The following RAP1GAP2 variants were observed in gnomAD, a reference collection of about 807,000 sequenced individuals.
RAP1GAP2 encodes RAP1 GTPase activating protein 2.
Under a neutral mutation model 95.0 loss-of-function variants are expected in RAP1GAP2, and 27 were observed. The observed-to-expected ratio is 0.28, with a 90% confidence interval of 0.21 to 0.39. The LOEUF is 0.39. RAP1GAP2 is among the 10% of genes least tolerant of loss of function. The probability of loss-of-function intolerance (pLI) is 1.00; values close to 1 mark genes in which losing one functional copy is unlikely to be tolerated. For missense variants in RAP1GAP2, 771 were observed against 970.0 expected (o/e 0.79, Z 2.72); for synonymous variants, 373 against 380.9 (o/e 0.98, Z 0.24).
upstream of RAP1GAP2, among the ~76,000 whole-genome samples, chr17:2,792,707 G>T (rs1478696274): frequency 1.3e-5 from 2 of 152,252 alleles, no homozygotes; most frequent in Non-Finnish European, 2.9e-5. Flanking sequence ...CCTTGGCCGG[G>T]TGTCTGACTC....
chr17:2,778,618 G>T (rs1316979538), intron 1 of RAP1GAP2, among the ~76,000 whole-genome samples: 1 of 152,122 alleles, frequency 6.6e-6, no homozygotes. Flanking sequence ...CATGGATGGG[G>T]GTGGTGGCAG....
chr17:3,004,657 C>T lies in RAP1GAP2; in HGVS notation c.1201-712C>T, dbSNP rs1006370574. Among the ~76,000 whole-genome samples, 22 of 152,218 alleles carry T rather than the reference C, an allele frequency of 1.4e-4. No homozygotes were observed. Among genetic ancestry groups the T allele is most frequent in the South Asian group, 2.1e-4 (1 of 4,834 alleles). ...TCTCACTCAGGGTGCCAGAGGTGCGCGCCCCACCCTCAGTTCCTAGCCTGG... is the reference window on the plus strand; with the variant it reads ...TCTCACTCAGGGTGCCAGAGGTGCGTGCCCCACCCTCAGTTCCTAGCCTGG... On this transcript the variant is annotated intron_variant, in intron 14 of 24. Coordinates refer to ENST00000254695, the MANE Select transcript of RAP1GAP2 (RefSeq NM_015085.5). The surrounding 1 kb of genome is among the most constrained non-coding windows in gnomAD (Gnocchi z 4.1).
Position 2,888,434 on chromosome 17 carries a change from C to T in RAP1GAP2, c.81-16850C>T, listed in dbSNP as rs929785416. Among the ~76,000 whole-genome samples, 5 of 152,186 alleles carry T rather than the reference C, an allele frequency of 3.3e-5. No homozygotes were observed. The East Asian group carries it at 9.6e-4, about 29-fold the overall frequency. On this transcript the variant is annotated intron_variant, in intron 2 of 24. Coordinates refer to ENST00000254695, the MANE Select transcript of RAP1GAP2 (RefSeq NM_015085.5). ...TAACCCCTCTCTTTCCTGCCCTTCTCAGCCTCTGCTGACCACTATTCTGCT... is the reference window on the plus strand; with the variant it reads ...TAACCCCTCTCTTTCCTGCCCTTCTTAGCCTCTGCTGACCACTATTCTGCT...
intron 2 of RAP1GAP2, among the ~76,000 whole-genome samples, chr17:2,854,980 A>C (rs2072071786): frequency 3.3e-5 from 5 of 152,036 alleles, no homozygotes; most frequent in Admixed American, 3.3e-4. Flanking sequence ...TTTCCAGAGG[A>C]GTTTTGGAAT....
At chr17:2,839,481 C>T (rs921809748) in intron 2 of RAP1GAP2, among the ~76,000 whole-genome samples, 1 of 152,170 alleles carries the variant, frequency 6.6e-6, no homozygotes, top group Non-Finnish European at 1.5e-5. Context: ...TAATATGGTC[C>T]ATTTGCTATA....
intron 19 of RAP1GAP2, among the ~76,000 whole-genome samples, chr17:3,025,692 C>G (rs1427348028): frequency 5.9e-5 from 9 of 152,228 alleles, no homozygotes. Flanking sequence ...TGACCCACAA[C>G]TCCGCCAGGT....
intron 17 of RAP1GAP2, among the ~76,000 whole-genome samples, chr17:3,014,182 T>C (rs7209614): frequency 0.093 from 1,948 of 21,018 alleles, 68 homozygotes; most frequent in Middle Eastern, 0.16. Context: ...GGACACACGT[T>C]GGCTATAGGG....
rs553928865 is a variant in RAP1GAP2 at position 2,877,826 on chromosome 17, C to A, written c.81-27458C>A. ...AGGGTGACAGGAAGCCATTTCAAGG[C>A]CTTAGATAGGGGGCTCATATGATCA... On this transcript the variant is annotated intron_variant, in intron 2 of 24. Coordinates refer to ENST00000254695, the MANE Select transcript of RAP1GAP2 (RefSeq NM_015085.5). Among the ~76,000 whole-genome samples, 7 of 152,178 alleles carry A rather than the reference C, an allele frequency of 4.6e-5. No individual in the cohort carries two copies. The East Asian group carries it at 1.2e-3, about 25-fold the overall frequency.
chr17:3,007,958 CA>C (rs1567888831), intron 16 of RAP1GAP2, 52 bp from the exon 17 acceptor site: 1 of 1,589,834 alleles, frequency 6.3e-7, no homozygotes, highest in African/African-American at 1.3e-5. Flanking sequence ...AAGGAGCAGG[CA>C]CATCTCTGCT....
At chr17:3,013,361 G>A (rs1282255331) in intron 17 of RAP1GAP2, among the ~76,000 whole-genome samples, 1 of 152,188 alleles carries the variant, frequency 6.6e-6, no homozygotes, top group South Asian at 2.1e-4. Flanking sequence ...GGATGGCCCC[G>A]CTGTTTTGGG....
intron 2 of RAP1GAP2, among the ~76,000 whole-genome samples, chr17:2,882,124 T>A (rs1228547025): frequency 6.7e-6 from 1 of 149,868 alleles, no homozygotes; most frequent in African/African-American, 2.4e-5. Flanking sequence ...CTGGCCTTTT[T>A]TTTTTTTTTT....
At chr17:3,007,922 C>T in intron 16 of RAP1GAP2, 89 bp from the exon 17 acceptor site, 1 of 1,479,588 alleles carries the variant, frequency 6.8e-7, no homozygotes, top group Non-Finnish European at 9.2e-7. Flanking sequence ...GAATGTCAGC[C>T]TCCAGGCCAG....
Position 2,827,883 on chromosome 17 carries a change from G to A in RAP1GAP2, c.80+27333G>A, listed in dbSNP as rs920973821. Among the ~76,000 whole-genome samples the A allele has an allele frequency of 6.6e-6, 1 of 152,146 alleles. No individual in the cohort carries two copies. The highest frequency in any genetic ancestry group is 2.4e-5 in the African/African-American group (1 of 41,450). Reference sequence around the variant, plus strand: ...GATCGGTTGCAGCAGGCACGCCAGTGACGGTGGGGGCCCAGGGGGAGCGTG... The same window carrying A: ...GATCGGTTGCAGCAGGCACGCCAGTAACGGTGGGGGCCCAGGGGGAGCGTG... On this transcript the variant is annotated intron_variant, in intron 2 of 24. Transcript: ENST00000254695. This position sits in a 1 kb window ranked among gnomAD's most constrained non-coding sequence, Gnocchi z 4.1.
At chr17:2,927,482 C>T (rs528131939) in intron 3 of RAP1GAP2, among the ~76,000 whole-genome samples, 5 of 152,298 alleles carry the variant, frequency 3.3e-5, no homozygotes, top group South Asian at 2.1e-4. Context: ...CGCCGTCTCT[C>T]GGATTCCCTC....
chr17:2,818,069 C>G (rs897064634), intron 2 of RAP1GAP2, among the ~76,000 whole-genome samples: 18 of 151,852 alleles, frequency 1.2e-4, no homozygotes, highest in African/African-American at 4.1e-4. Context: ...ATCTCCTGAC[C>G]TCGTGATCTG....
intron 3 of RAP1GAP2, among the ~76,000 whole-genome samples, chr17:2,952,161 G>C (rs2043947233): frequency 6.6e-6 from 1 of 152,232 alleles, no homozygotes; most frequent in Non-Finnish European, 1.5e-5. Flanking sequence ...CATGCCCTCA[G>C]ATGCAGTCCT....
Position 2,855,230 on chromosome 17 carries a change from C to A in RAP1GAP2, c.81-50054C>A. ...TTGCCCGCTGCACAGAATGAATTTC[C>A]CGTGAAAATGACATAAGGTGGTTCA... On this transcript the variant is annotated intron_variant, in intron 2 of 24. Coordinates refer to ENST00000254695, the MANE Select transcript of RAP1GAP2 (RefSeq NM_015085.5). This position sits in a 1 kb window ranked among gnomAD's most constrained non-coding sequence, Gnocchi z 4.3. 6.6e-6 allele frequency among the ~76,000 whole-genome samples: 1 copy of A among 152,290 alleles called. No homozygotes were observed. The highest frequency in any genetic ancestry group is 2.1e-4 in the South Asian group (1 of 4,824).
At position 2,906,878 on chromosome 17, in the gene RAP1GAP2, G is replaced by T. The variant is rs2042214346; in HGVS notation, c.165+1510G>T. Among the ~76,000 whole-genome samples, 1 of 152,100 alleles carries T rather than the reference G, an allele frequency of 6.6e-6. No individual in the cohort carries two copies. The highest frequency in any genetic ancestry group is 1.5e-5 in the Non-Finnish European group (1 of 68,026). Reference sequence around the variant, plus strand: ...TTAGTTAGGACTCTTGGTTGTAAGTGACAGAAACATAACTCACTCTGGCTT... The same window carrying T: ...TTAGTTAGGACTCTTGGTTGTAAGTTACAGAAACATAACTCACTCTGGCTT... On this transcript the variant is annotated intron_variant, in intron 3 of 24. Transcript: ENST00000254695. This position sits in a 1 kb window ranked among gnomAD's most constrained non-coding sequence, Gnocchi z 4.3.
rs2047472190 is a variant in RAP1GAP2, at chr17:3,036,596, T to A, written c.*3235T>A. On this transcript the variant is annotated 3_prime_UTR_variant, in exon 25 of 25. Coordinates refer to ENST00000254695, the MANE Select transcript of RAP1GAP2 (RefSeq NM_015085.5). ...CCAAGAAAACGAGGAGGGAAAGGGA[T>A]TCAGTGAACTATTCCTCAGTGGGAT... 1 of 152,190 alleles carries A rather than the reference T, an allele frequency of 6.6e-6. No homozygotes were observed. Among genetic ancestry groups the A allele is most frequent in the African/African-American group, 2.4e-5 (1 of 41,430 alleles). The allele number at this position is 152,190 out of a possible 1,614,324, so 9.4% of individuals were successfully genotyped here. A position where few individuals can be genotyped will look rare whatever the true frequency, so the allele number is the denominator to read the frequency against.
Sources: gnomAD v4.1 joint callset for allele counts (sites outside exome capture counted in the v4.1 genomes callset) on GRCh38, gnomAD v4.1.1 for gene constraint, Gnocchi (gnomAD v3.1) non-coding constraint, MANE v1.5 for transcripts, NCBI Gene and HGNC (gene_info 2026-07-23, HGNC 2026-07-21) for gene names.